The following FRMD6 variants were observed in gnomAD, a reference collection of about 807,000 sequenced individuals.
FRMD6 encodes FERM domain-containing protein 6.
A neutral mutation model predicts 73.2 loss-of-function variants in FRMD6; 37 were observed. The observed-to-expected ratio is 0.51, with a 90% CI of 0.39 to 0.66. FRMD6 has a LOEUF of 0.66. Among genes scored for constraint, FRMD6 ranks in the 30% least tolerant of loss-of-function variants. FRMD6 has a pLI of 0.00. For synonymous variants in FRMD6, 273 were observed against 282.2 expected (o/e 0.97, Z 0.33); for missense variants, 714 against 780.5 (o/e 0.91, Z 1.02).
the FRMD6 span, among the ~76,000 whole-genome samples, chr14:51,427,822 G>T: frequency 1.1e-4 from 16 of 151,036 alleles, no homozygotes; most frequent in East Asian, 1.4e-3. Context: ...CATGGTGGGA[G>T]TATCTACACC....
intron 1 of FRMD6, among the ~76,000 whole-genome samples, chr14:51,541,117 G>A (rs750728221): frequency 1.3e-5 from 2 of 152,066 alleles, no homozygotes; most frequent in African/African-American, 2.4e-5. Context: ...TAGAGCAGAG[G>A]TTTCTGAGTA....
chr14:51,414,826 T>C, the FRMD6 span, among the ~76,000 whole-genome samples: 12 of 152,236 alleles, frequency 7.9e-5, no homozygotes, highest in African/African-American at 2.9e-4. Flanking sequence ...TTTTATTGTG[T>C]TGAGCAGTGG....
the FRMD6 span, among the ~76,000 whole-genome samples, chr14:51,431,886 GAAAGTATCCCTTTT>G: frequency 2.0e-5 from 3 of 152,144 alleles, no homozygotes; most frequent in African/African-American, 7.2e-5. Context: ...CATGTGGAAA[GAAAGTATCCCTTTT>G]AAAGTCACCC....
At chr14:51,401,691 C>T in the FRMD6 span, among the ~76,000 whole-genome samples, 4 of 151,224 alleles carry the variant, frequency 2.6e-5, no homozygotes, top group Non-Finnish European at 4.4e-5. Flanking sequence ...CAACAGGGCT[C>T]GAATGGGACG....
chr14:51,433,232 T>C, the FRMD6 span, among the ~76,000 whole-genome samples: 1 of 152,204 alleles, frequency 6.6e-6, no homozygotes, highest in Non-Finnish European at 1.5e-5. Context: ...ACAGTACATA[T>C]ATACAAGATT....
chr14:51,719,045 C>T (rs556508118), intron 10 of FRMD6, among the ~76,000 whole-genome samples: 3 of 152,342 alleles, frequency 2.0e-5, no homozygotes, highest in African/African-American at 7.2e-5. Flanking sequence ...TCCCCAAATG[C>T]ACTCTCCATT....
intron 1 of FRMD6, among the ~76,000 whole-genome samples, chr14:51,686,005 A>G (rs1170863098): frequency 6.6e-6 from 1 of 152,178 alleles, no homozygotes; most frequent in Non-Finnish European, 1.5e-5. Flanking sequence ...ATACATGCCT[A>G]CTTAGTCATG....
intron 1 of FRMD6, among the ~76,000 whole-genome samples, chr14:51,678,745 T>A (rs950829076): frequency 6.7e-6 from 1 of 149,942 alleles, no homozygotes; most frequent in African/African-American, 2.5e-5. Context: ...ACTGCTGAGT[T>A]GCCTAGGAAC....
the FRMD6 span, among the ~76,000 whole-genome samples, chr14:51,399,122 A>G: frequency 2.6e-5 from 4 of 152,078 alleles, no homozygotes; most frequent in Admixed American, 1.3e-4. Context: ...TTCTGTTGAT[A>G]CCCTGGCCCC....
intron 2 of FRMD6, among the ~76,000 whole-genome samples, chr14:51,634,107 C>T (rs1279444343): frequency 1.3e-5 from 2 of 152,288 alleles, no homozygotes; most frequent in African/African-American, 2.4e-5. Flanking sequence ...TATCTTTTTT[C>T]TACATTGAAA....
At chr14:51,497,573 G>A (rs576012400) in intron 1 of FRMD6, among the ~76,000 whole-genome samples, 50 of 152,096 alleles carry the variant, frequency 3.3e-4, no homozygotes, top group African/African-American at 1.0e-3. Flanking sequence ...AATCCTAATA[G>A]CCACATATTT....
chr14:51,509,337 C>G (rs1884154778), intron 1 of FRMD6, among the ~76,000 whole-genome samples: 1 of 152,056 alleles, frequency 6.6e-6, no homozygotes, highest in Admixed American at 6.5e-5. Flanking sequence ...TCCTGCCTAA[C>G]ACGGTGAAAC....
chr14:51,425,019 AT>A, the FRMD6 span, among the ~76,000 whole-genome samples: 1 of 152,168 alleles, frequency 6.6e-6, no homozygotes, highest in African/African-American at 2.4e-5. Flanking sequence ...GAGACAGGGA[AT>A]TCCGGGTCAT....
chr14:51,600,852 A>G (rs1225278136), intron 2 of FRMD6, among the ~76,000 whole-genome samples: 1 of 152,242 alleles, frequency 6.6e-6, no homozygotes, highest in Non-Finnish European at 1.5e-5. Context: ...AAGCAGAACC[A>G]TGGTTAGATA....
rs576813408 is a variant in FRMD6 at position 51,711,399 on chromosome 14, G to A, written c.715-132G>A. On this transcript the variant is annotated intron_variant, in intron 7 of 13. Coordinates refer to ENST00000344768, the MANE Select transcript of FRMD6 (RefSeq NM_001267046.2). ...AAACTAGGTATGTGGAAAGGCTTGAGCAAAGTTATTTTAAGTCAAAAACTT... is the reference window on the plus strand; with the variant it reads ...AAACTAGGTATGTGGAAAGGCTTGAACAAAGTTATTTTAAGTCAAAAACTT... The A allele has an allele frequency of 7.4e-6, 4 of 537,918 alleles. No individual in the cohort carries two copies. In the East Asian group the frequency reaches 9.0e-5, roughly 12 times the overall value. The allele number at this position is 537,918 out of a possible 1,614,324, so 33.3% of individuals were successfully genotyped here. A position where few individuals can be genotyped will look rare whatever the true frequency, so the allele number is the denominator to read the frequency against.
chr14:51,641,300 T>C (rs931821522), intron 2 of FRMD6, among the ~76,000 whole-genome samples: 1 of 152,192 alleles, frequency 6.6e-6, no homozygotes, highest in Non-Finnish European at 1.5e-5. Flanking sequence ...CCTTTAAGAC[T>C]TAATTTTTGT....
At chr14:51,563,716 T>G (rs571216997) in intron 1 of FRMD6, among the ~76,000 whole-genome samples, 1 of 152,270 alleles carries the variant, frequency 6.6e-6, no homozygotes, top group African/African-American at 2.4e-5. Context: ...CAATACAACT[T>G]TGATGTAATG....
At chr14:51,591,453 G>A (rs1331162491) in intron 2 of FRMD6, among the ~76,000 whole-genome samples, 1 of 152,084 alleles carries the variant, frequency 6.6e-6, no homozygotes, top group Non-Finnish European at 1.5e-5. Context: ...AGATAGACCA[G>A]CATTATTCAA....
chr14:51,426,303 G>A, the FRMD6 span, among the ~76,000 whole-genome samples: 2 of 151,970 alleles, frequency 1.3e-5, no homozygotes, highest in South Asian at 2.1e-4. Flanking sequence ...ACCTAGTCAC[G>A]TGGTGTCTCA....
Sources: gnomAD v4.1 joint callset for allele counts (sites outside exome capture counted in the v4.1 genomes callset) on GRCh38, gnomAD v4.1.1 for gene constraint, MANE v1.5 for transcripts, NCBI Gene and HGNC (gene_info 2026-07-23, HGNC 2026-07-21) for gene names.